The following ZNF385D variants were observed in gnomAD, a reference collection of about 807,000 sequenced individuals.
The protein encoded by ZNF385D is zinc finger protein 385D.
ZNF385D carries 15 observed loss-of-function variants against 35.8 expected under a neutral mutation model. The observed-to-expected ratio is 0.42, with a 90% CI of 0.28 to 0.64. ZNF385D has a LOEUF of 0.64. Ranked by LOEUF, ZNF385D falls within the 30% of genes least tolerant of loss-of-function variation. The pLI is 0.23. For synonymous variants in ZNF385D, 212 were observed against 186.8 expected, an observed-to-expected ratio of 1.13 and a Z score of -1.10; for missense variants, 474 against 494.6, an observed-to-expected ratio of 0.96 and a Z score of 0.39.
intron 4 of ZNF385D, among the ~76,000 whole-genome samples, chr3:21,470,769 A>G (rs1308467767): frequency 1.3e-5 from 2 of 152,046 alleles, no homozygotes; most frequent in Non-Finnish European, 2.9e-5. Context: ...ATATATTTTG[A>G]GTTTTGACAA....
intron 2 of ZNF385D, among the ~76,000 whole-genome samples, chr3:22,310,848 CTTTT>C (rs1212966180): frequency 6.6e-6 from 1 of 151,564 alleles, no homozygotes; most frequent in African/African-American, 2.4e-5. Context: ...TTTTAATTAA[CTTTT>C]TTGATTTGTA....
intron 3 of ZNF385D, among the ~76,000 whole-genome samples, chr3:21,859,511 T>A (rs926272633): frequency 1.3e-4 from 20 of 151,858 alleles, no homozygotes; most frequent in African/African-American, 4.8e-4. Flanking sequence ...TTTGCTCTGA[T>A]CAGAGGCCCG....
At chr3:21,746,600 C>T (rs781528482) in intron 1 of ZNF385D, among the ~76,000 whole-genome samples, 10 of 152,146 alleles carry the variant, frequency 6.6e-5, no homozygotes, top group Non-Finnish European at 1.2e-4. Context: ...CAGGACTTCA[C>T]GCTTTAAAAG....
chr3:21,639,531 A>G (rs549803021), intron 2 of ZNF385D, among the ~76,000 whole-genome samples: 4 of 152,188 alleles, frequency 2.6e-5, no homozygotes, highest in African/African-American at 9.6e-5. Context: ...CTTTCAAACC[A>G]TTATTTTTTA....
intron 1 of ZNF385D, among the ~76,000 whole-genome samples, chr3:21,710,143 G>A (rs970614304): frequency 6.6e-6 from 1 of 152,090 alleles, no homozygotes; most frequent in Non-Finnish European, 1.5e-5. Context: ...GGGTATGGGG[G>A]TATGGTTTAG....
chr3:21,526,115 A>G (rs1209603001), intron 3 of ZNF385D, among the ~76,000 whole-genome samples: 2 of 152,152 alleles, frequency 1.3e-5, no homozygotes, highest in Non-Finnish European at 2.9e-5. Context: ...TTAATGTGTT[A>G]AAACAACAAA....
At chr3:21,962,159 A>T (rs753396773) in intron 3 of ZNF385D, among the ~76,000 whole-genome samples, 2 of 152,162 alleles carry the variant, frequency 1.3e-5, no homozygotes, top group Non-Finnish European at 2.9e-5. Flanking sequence ...CCAGACAGAA[A>T]ATGTTTAAGA....
intron 2 of ZNF385D, among the ~76,000 whole-genome samples, chr3:21,567,826 G>A (rs1020934218): frequency 6.6e-6 from 1 of 152,048 alleles, no homozygotes; most frequent in Non-Finnish European, 1.5e-5. Context: ...GGTGATCAGG[G>A]TATTATTTTG....
At chr3:22,171,153 G>T (rs960511066) in intron 2 of ZNF385D, among the ~76,000 whole-genome samples, 1 of 152,136 alleles carries the variant, frequency 6.6e-6, no homozygotes, top group African/African-American at 2.4e-5. Flanking sequence ...ATAAGCCAAA[G>T]AACTTATTTC....
chr3:21,816,326 C>A (rs983797323), intron 3 of ZNF385D, among the ~76,000 whole-genome samples: 1 of 151,950 alleles, frequency 6.6e-6, no homozygotes, highest in Admixed American at 6.6e-5. Context: ...GAAGTTTGGG[C>A]CAGGGCAATC....
intron 3 of ZNF385D, among the ~76,000 whole-genome samples, chr3:22,168,261 T>C (rs143368679): frequency 1.5e-3 from 230 of 152,248 alleles, no homozygotes; most frequent in Non-Finnish European, 2.5e-3. Context: ...TTTGTGCTAT[T>C]TGAAAAATCT....
At chr3:21,977,949 C>T (rs1479424856) in intron 3 of ZNF385D, among the ~76,000 whole-genome samples, 1 of 152,178 alleles carries the variant, frequency 6.6e-6, no homozygotes, top group African/African-American at 2.4e-5. Flanking sequence ...CACCAATTCT[C>T]TCCTCTGCTT....
rs566822027 is a variant in ZNF385D at position 22,078,969 on chromosome 3, G to A, written c.325+89848C>T. 2.1e-3 allele frequency among the ~76,000 whole-genome samples: 318 copies of A among 152,104 alleles called. 4 individuals are homozygous for A. Among genetic ancestry groups the A allele is most frequent in the African/African-American group, 7.3e-3 (304 of 41,522 alleles). ...TTTTTCTTTATTTCAAGTGTGTTAA[G>A]ATTATGTATGCTTACCTTAATTTTG... On this transcript the variant is annotated intron_variant, in intron 3 of 5. Transcript: ENST00000494108.
intron 2 of ZNF385D, among the ~76,000 whole-genome samples, chr3:22,199,420 G>T (rs1247713014): frequency 1.3e-5 from 2 of 152,088 alleles, no homozygotes; most frequent in Admixed American, 1.3e-4. Context: ...TATCCAAAAA[G>T]GGAGTGTTTG....
intron 1 of ZNF385D, among the ~76,000 whole-genome samples, chr3:21,706,006 G>A (rs948355127): frequency 3.9e-5 from 6 of 152,184 alleles, no homozygotes; most frequent in Admixed American, 6.5e-5. Flanking sequence ...GGGGTGAGGA[G>A]TGGAAATTTA....
intron 3 of ZNF385D, among the ~76,000 whole-genome samples, chr3:22,133,233 A>C (rs1196383529): frequency 1.3e-5 from 2 of 152,180 alleles, no homozygotes; most frequent in African/African-American, 2.4e-5. Context: ...CGTATCTTCA[A>C]CATCCTTCTT....
chr3:21,710,569 TA>T (rs2068064034), intron 1 of ZNF385D, among the ~76,000 whole-genome samples: 1 of 152,182 alleles, frequency 6.6e-6, no homozygotes, highest in Non-Finnish European at 1.5e-5. Flanking sequence ...CATTTTAAAT[TA>T]GTATGTTACA....
At chr3:22,040,319 TTAC>T (rs1438418354) in intron 3 of ZNF385D, among the ~76,000 whole-genome samples, 1 of 152,214 alleles carries the variant, frequency 6.6e-6, no homozygotes, top group Non-Finnish European at 1.5e-5. Context: ...CATTTAATTC[TTAC>T]TACACTTTAA....
At chr3:22,014,046 G>A (rs930293998) in intron 3 of ZNF385D, among the ~76,000 whole-genome samples, 5 of 152,064 alleles carry the variant, frequency 3.3e-5, no homozygotes, top group African/African-American at 4.8e-5. Flanking sequence ...ATACAGATAC[G>A]TCAGGAATGG....
Sources: allele counts gnomAD v4.1 joint callset (sites outside exome capture counted in the v4.1 genomes callset), GRCh38; gene constraint gnomAD v4.1.1; transcripts MANE v1.5; gene names NCBI Gene and HGNC (gene_info 2026-07-23, HGNC 2026-07-21).